Variants in PROS1 observed in about 807,000 individuals in gnomAD.
PROS1 encodes vitamin K-dependent protein S.
PROS1 carries 29 observed loss-of-function variants against 75.9 expected under a neutral mutation model. The observed-to-expected ratio is 0.38, with a 90% confidence interval of 0.28 to 0.52. PROS1 has a LOEUF of 0.52. Ranked by LOEUF, PROS1 falls within the 20% of genes least tolerant of loss-of-function variation. The probability of loss-of-function intolerance (pLI) is 0.83; values close to 1 mark genes in which losing one functional copy is unlikely to be tolerated. For synonymous variants in PROS1, 245 were observed against 280.6 expected (o/e 0.87, Z 1.27); for missense variants, 680 against 810.3 (o/e 0.84, Z 1.95).
In PROS1 at chr3:93,891,438, T is replaced by G. The variant is rs371952732; in HGVS notation, c.1155+1495A>C. Among the ~76,000 whole-genome samples, 4 of 152,118 alleles carry G rather than the reference T, an allele frequency of 2.6e-5. No homozygotes were observed. The East Asian group carries it at 7.7e-4, about 29-fold the overall frequency. ...TAATTTCTTTTCTTTCTTTCTTTCT[T>G]TTTATTTTTGAGACAGTCTTGCTTT... On this transcript the variant is annotated intron_variant, in intron 10 of 14. Coordinates refer to ENST00000394236, the MANE Select transcript of PROS1 (RefSeq NM_000313.4).
At chr3:93,913,513 A>G (rs1708791687) in intron 3 of PROS1, among the ~76,000 whole-genome samples, 1 of 152,184 alleles carries the variant, frequency 6.6e-6, no homozygotes. Context: ...ACTGTGAGTC[A>G]ATTAAACCTC....
At chr3:93,931,014 T>A (rs1709097517) in intron 1 of PROS1, among the ~76,000 whole-genome samples, 7 of 152,220 alleles carry the variant, frequency 4.6e-5, no homozygotes, top group Admixed American at 4.6e-4. Context: ...TGTCTAAATA[T>A]ATTTGCACTA....
chr3:93,893,468 A>AT (rs1386319371), intron 9 of PROS1, among the ~76,000 whole-genome samples: 7 of 152,210 alleles, frequency 4.6e-5, no homozygotes, highest in Admixed American at 4.6e-4. Context: ...GGCATACTAT[A>AT]TCTCTCCTGG....
chr3:93,908,165 AT>A (rs1356771315), intron 4 of PROS1, among the ~76,000 whole-genome samples: 1 of 152,200 alleles, frequency 6.6e-6, no homozygotes, highest in Non-Finnish European at 1.5e-5. Context: ...AAAATTTTCA[AT>A]TTGGACTAAG....
chr3:93,958,314 CTCAA>C (rs1375488479), intron 1 of PROS1, among the ~76,000 whole-genome samples: 93 of 152,190 alleles, frequency 6.1e-4, no homozygotes, highest in South Asian at 4.2e-4. Context: ...CAATGTTAAT[CTCAA>C]TCAAAGCTTA....
chr3:93,946,164 A>G (rs1709393225), intron 1 of PROS1, among the ~76,000 whole-genome samples: 1 of 152,212 alleles, frequency 6.6e-6, no homozygotes, highest in Non-Finnish European at 1.5e-5. Flanking sequence ...GAGGATACAA[A>G]CAAATGGAAG....
chr3:93,960,164 G>A (rs1428836368), intron 1 of PROS1, among the ~76,000 whole-genome samples: 1 of 150,804 alleles, frequency 6.6e-6, no homozygotes, highest in Non-Finnish European at 1.5e-5. Context: ...ATAAGCAGAA[G>A]TGCGTTTGTC....
At chr3:93,928,228 G>A (rs550177143) in intron 1 of PROS1, among the ~76,000 whole-genome samples, 2 of 150,252 alleles carry the variant, frequency 1.3e-5, no homozygotes, top group South Asian at 2.1e-4. Flanking sequence ...CTACCTGGGA[G>A]GCTAAGGCGG....
intron 1 of PROS1, among the ~76,000 whole-genome samples, chr3:93,950,728 G>A (rs1033213530): frequency 5.9e-5 from 9 of 152,252 alleles, no homozygotes; most frequent in South Asian, 2.1e-4. Context: ...CACAAAGATC[G>A]GGAGAAACCA....
At chr3:93,882,516 C>T (rs577024963) in intron 12 of PROS1, among the ~76,000 whole-genome samples, 4 of 152,262 alleles carry the variant, frequency 2.6e-5, no homozygotes, top group East Asian at 3.9e-4. Flanking sequence ...AACAAACTAA[C>T]CAGAAACCTA....
At position 93,906,042 on chromosome 3, in the gene PROS1, G is replaced by T. The variant is rs755346249; in HGVS notation, c.448C>A (p.Gln150Lys). 6.2e-6 allele frequency: 10 copies of T among 1,614,054 alleles called. No homozygotes were observed. The highest frequency in any genetic ancestry group is 8.5e-6 in the Non-Finnish European group (10 of 1,180,002). Residue 150 changes from glutamine (Q) to lysine (K), a missense_variant, in exon 5 of 15, where the codon CAA becomes AAA. Transcript: ENST00000394236. ...SFTCTCKPGW[Q>K]GEKCEFDINE... ...GTACCAAATTCACACTTTTCTCCTT[G>T]CCAACCTGGTTTACAAGTGCAAGTA...
intron 14 of PROS1, 67 bp downstream of exon 14, chr3:93,876,899 A>G (rs970482117): frequency 5.8e-6 from 6 of 1,029,416 alleles, no homozygotes; most frequent in African/African-American, 1.6e-5. Context: ...CTATAATTAT[A>G]TATTTAAAAT....
chr3:93,943,596 TC>T (rs1338129200), intron 1 of PROS1, among the ~76,000 whole-genome samples: 2 of 152,068 alleles, frequency 1.3e-5, no homozygotes, highest in Non-Finnish European at 2.9e-5. Flanking sequence ...CCATTATCTC[TC>T]CATACCACCC....
At chr3:93,917,089 G>A (rs1708866412) in intron 3 of PROS1, among the ~76,000 whole-genome samples, 1 of 152,168 alleles carries the variant, frequency 6.6e-6, no homozygotes, top group Non-Finnish European at 1.5e-5. Context: ...TTGACTGGAG[G>A]AGCACAAGGC....
rs1452892222 is a variant in PROS1, at chr3:93,883,011, A to T, written c.1492+1717T>A. On this transcript the variant is annotated intron_variant, in intron 12 of 14. Coordinates refer to ENST00000394236, the MANE Select transcript of PROS1 (RefSeq NM_000313.4). ...TATCATGCAGAAGGAGCAAGAAAAC[A>T]TATTGAGTCCTGATCACTAGACATC... Among the ~76,000 whole-genome samples, 4 of 152,354 alleles carry T rather than the reference A, an allele frequency of 2.6e-5. No homozygotes were observed. The East Asian group carries it at 7.7e-4, about 29-fold the overall frequency.
intron 1 of PROS1, among the ~76,000 whole-genome samples, chr3:93,931,720 G>A (rs1709108949): frequency 6.6e-6 from 1 of 151,606 alleles, no homozygotes; most frequent in Admixed American, 6.6e-5. Flanking sequence ...GAAGCATAAT[G>A]CCTTCTTTGG....
chr3:93,940,966 C>A (rs1709276597), intron 1 of PROS1, among the ~76,000 whole-genome samples: 1 of 152,100 alleles, frequency 6.6e-6, no homozygotes, highest in South Asian at 2.1e-4. Context: ...ACTCTTTTGC[C>A]CTCAATACCT....
rs368607471 is a variant in PROS1, at chr3:93,896,661, C to T, written c.880G>A (p.Asp294Asn). 2 of 1,613,434 alleles carry T rather than the reference C, an allele frequency of 1.2e-6. No individual in the cohort carries two copies. The highest frequency in any genetic ancestry group is 1.7e-6 in the Non-Finnish European group (2 of 1,179,698). ...AAGTAAAGTAATTCATACTTTGTGT[C>T]AAGGTTCAAGGGAAGGCACACTGAA... ...VVSVCLPLNL[D>N]TKYELLYLAE... Residue 294 changes from aspartate to asparagine, a missense_variant, in exon 9 of 15, where the codon GAC becomes AAC. Asp to Asn is a conservative substitution (Grantham distance 23, BLOSUM62 1). Transcript: ENST00000394236.
At chr3:93,933,516 G>C (rs1709137169) in intron 1 of PROS1, among the ~76,000 whole-genome samples, 3 of 151,882 alleles carry the variant, frequency 2.0e-5, no homozygotes, top group South Asian at 2.1e-4. Context: ...TTGAGGTACA[G>C]GGAGCCCCGA....
Sources: allele counts gnomAD v4.1 joint callset (sites outside exome capture counted in the v4.1 genomes callset), GRCh38; gene constraint gnomAD v4.1.1; transcripts MANE v1.5; gene names NCBI Gene and HGNC (gene_info 2026-07-23, HGNC 2026-07-21).